Variants in PDE9A observed in about 807,000 individuals in gnomAD.
The protein encoded by PDE9A is high affinity cGMP-specific 3',5'-cyclic phosphodiesterase 9A.
PDE9A carries 60 observed loss-of-function variants against 87.4 expected under a neutral mutation model. That is an observed-to-expected ratio of 0.69 (90% CI 0.56 to 0.85). The LOEUF (loss-of-function observed/expected upper bound fraction) is 0.85, where lower values mean the gene tolerates loss of function less well. Among genes scored for constraint, PDE9A ranks in the 40% least tolerant of loss-of-function variants. The probability of loss-of-function intolerance (pLI) is 0.00; values close to 1 mark genes in which losing one functional copy is unlikely to be tolerated. For missense variants in PDE9A, 665 were observed against 779.0 expected, an observed-to-expected ratio of 0.85 and a Z score of 1.74; for synonymous variants, 272 against 279.4, an observed-to-expected ratio of 0.97 and a Z score of 0.27.
At chr21:42,713,003 CTAGGAAAT>C (rs1482638236) in intron 4 of PDE9A, among the ~76,000 whole-genome samples, 1 of 152,130 alleles carries the variant, frequency 6.6e-6, no homozygotes, top group African/African-American at 2.4e-5. Flanking sequence ...GGAAATGTTC[CTAGGAAAT>C]TTCCTGGGGT....
At chr21:42,666,600 T>C (rs188649622) in intron 1 of PDE9A, among the ~76,000 whole-genome samples, 3 of 152,224 alleles carry the variant, frequency 2.0e-5, no homozygotes, top group Admixed American at 2.0e-4. Flanking sequence ...CAGGTCAGGC[T>C]GCAGCAGGGC....
rs752160706 is a variant in PDE9A, at chr21:42,762,147, C to A, written c.1150C>A (p.His384Asn). Residue 384 changes from histidine to asparagine, a missense_variant, in exon 14 of 20, where the codon CAC becomes AAC. By Grantham distance (68) the His-to-Asn change is moderately conservative (BLOSUM62 1). Transcript: ENST00000291539. ...RYNDISPLEN[H>N]HCAVAFQILA... The stretch of plus-strand genomic sequence containing the variant: ...CAATGACATCTCACCGCTGGAGAAC[C>A]ACCACTGCGCCGTGGCCTTCCAGAT... 1 of 1,614,136 alleles carries A rather than the reference C, an allele frequency of 6.2e-7. No homozygotes were observed. Among genetic ancestry groups the A allele is most frequent in the Non-Finnish European group, 8.5e-7 (1 of 1,179,978 alleles).
At chr21:42,751,036 G>A in intron 8 of PDE9A, 80 bp from the exon 9 acceptor site, 1 of 935,296 alleles carries the variant, frequency 1.1e-6, no homozygotes, top group Non-Finnish European at 1.8e-6. Flanking sequence ...GGTTGGGTTT[G>A]TCGCTTGCTT....
At chr21:42,743,696 G>A (rs1386955315) in intron 7 of PDE9A, 80 bp from the exon 8 acceptor site, 1 of 856,388 alleles carries the variant, frequency 1.2e-6, no homozygotes, top group African/African-American at 1.7e-5. Context: ...GAGCCACAGG[G>A]AGCCCTTAGT....
chr21:42,686,277 CG>C lies in PDE9A; in HGVS notation c.140+18del, dbSNP rs1490182364. 4 of 1,608,082 alleles carry C rather than the reference CG, an allele frequency of 2.5e-6. No homozygotes were observed. The highest frequency in any genetic ancestry group is 1.7e-4 in the Middle Eastern group (1 of 6,046). ...GGCCTGCCTCGGTGAGTGCGCGCTG[CG>C]GGCTCTGCCCGGTGACGCCACGCGG... On this transcript the variant is annotated intron_variant, in intron 2 of 19. Transcript: ENST00000291539.
chr21:42,711,121 C>T (rs1001388344), intron 4 of PDE9A, among the ~76,000 whole-genome samples: 1 of 152,132 alleles, frequency 6.6e-6, no homozygotes, highest in Non-Finnish European at 1.5e-5. Flanking sequence ...ACATTTTTCC[C>T]AATTTGTGAT....
chr21:42,767,118 G>A (rs1457266571), intron 15 of PDE9A, among the ~76,000 whole-genome samples: 3 of 152,066 alleles, frequency 2.0e-5, no homozygotes, highest in Non-Finnish European at 2.9e-5. Flanking sequence ...AGCCCCAGAC[G>A]GGGCTTTATG....
chr21:42,771,670 C>T (rs1273866722), intron 18 of PDE9A, among the ~76,000 whole-genome samples: 2 of 152,238 alleles, frequency 1.3e-5, no homozygotes, highest in Non-Finnish European at 2.9e-5. Context: ...CCCACAATGC[C>T]CTTTTGAGCA....
rs751586484 is a variant in PDE9A at position 42,769,159 on chromosome 21, A to C, written c.1590+4A>C. On this transcript the variant is annotated splice_donor_region_variant and intron_variant, in intron 17 of 19. Transcript: ENST00000291539. ...AATGTTTGAAACAGTGACCAAGGTG[A>C]GTAACTGTCACCACATGTCACACTT... is the stretch of plus-strand genomic sequence containing the variant. The C allele has an allele frequency of 3.7e-6, 6 of 1,612,104 alleles. No homozygotes were observed. The South Asian group carries it at 5.5e-5, about 15-fold the overall frequency.
intron 6 of PDE9A, among the ~76,000 whole-genome samples, chr21:42,732,800 G>C (rs1054467564): frequency 1.3e-5 from 2 of 152,196 alleles, no homozygotes; most frequent in African/African-American, 4.8e-5. Context: ...TGTAATCCCA[G>C]CTACCCGGGA....
intron 14 of PDE9A, among the ~76,000 whole-genome samples, chr21:42,763,457 T>G (rs35167576): frequency 6.6e-6 from 1 of 152,128 alleles, no homozygotes; most frequent in African/African-American, 2.4e-5. Context: ...ATTTGAGTGA[T>G]GCAGCCCCAA....
At chr21:42,700,880 TAGG>T (rs2048332812) in intron 4 of PDE9A, 1 of 152,180 alleles carries the variant, frequency 6.6e-6, no homozygotes, top group Non-Finnish European at 1.5e-5. Flanking sequence ...AGATAAATAG[TAGG>T]TCTTGAAATC....
chr21:42,685,222 GAGCCGAGACTCAT>G (rs2146155577), intron 1 of PDE9A, among the ~76,000 whole-genome samples: 1 of 152,360 alleles, frequency 6.6e-6, no homozygotes, highest in East Asian at 1.9e-4. Context: ...CCCTCCCTGA[GAGCCGAGACTCAT>G]GGCCGGGACC....
intron 8 of PDE9A, among the ~76,000 whole-genome samples, chr21:42,747,777 G>T (rs1027744113): frequency 6.6e-6 from 1 of 152,370 alleles, no homozygotes; most frequent in Non-Finnish European, 1.5e-5. Flanking sequence ...GAGCTGGGGA[G>T]TCTGCAGGAG....
intron 1 of PDE9A, among the ~76,000 whole-genome samples, chr21:42,670,282 CACAT>C (rs1459353745): frequency 2.7e-5 from 4 of 150,316 alleles, no homozygotes; most frequent in African/African-American, 5.0e-5. Context: ...CACACATTCA[CACAT>C]ACACATTCAC....
In PDE9A at chr21:42,723,431, A is replaced by C. The variant is rs2050729334; in HGVS notation, c.263-8339A>C. Among the ~76,000 whole-genome samples the C allele has an allele frequency of 6.6e-6, 1 of 152,252 alleles. No homozygotes were observed. The highest frequency in any genetic ancestry group is 2.1e-4 in the South Asian group (1 of 4,836). On this transcript the variant is annotated intron_variant, in intron 4 of 19. Coordinates refer to ENST00000291539, the MANE Select transcript of PDE9A (RefSeq NM_002606.3). This position sits in a 1 kb window ranked among gnomAD's most constrained non-coding sequence, Gnocchi z 4.3. ...CACTTCATTGAGTCCAGGTGTGTGC[A>C]GATGAGAAGCAGCCAGGAGTTGAGG...
chr21:42,736,739 C>T (rs150322563), intron 7 of PDE9A, among the ~76,000 whole-genome samples: 408 of 152,306 alleles, frequency 2.7e-3, no homozygotes, highest in African/African-American at 9.6e-3. Flanking sequence ...CCTCAGTCCT[C>T]CTGGCTGCCC....
At chr21:42,691,091 C>T (rs929720090) in intron 3 of PDE9A, among the ~76,000 whole-genome samples, 4 of 150,812 alleles carry the variant, frequency 2.7e-5, no homozygotes, top group South Asian at 2.1e-4. Context: ...TCACCCACCC[C>T]GATACCATCA....
rs1472026249 is a variant in PDE9A, at chr21:42,660,796, T to C, written c.69+6913T>C. ...AGCCACCCAGGGGTGGCTCCCAACA[T>C]TTTCAAGCTCAAAAAGAAATATTTT... On this transcript the variant is annotated intron_variant, in intron 1 of 19. Transcript: ENST00000291539. This position sits in a 1 kb window ranked among gnomAD's most constrained non-coding sequence, Gnocchi z 4.7. Among the ~76,000 whole-genome samples, 1 of 151,964 alleles carries C rather than the reference T, an allele frequency of 6.6e-6. No homozygotes were observed. The highest frequency in any genetic ancestry group is 1.5e-5 in the Non-Finnish European group (1 of 67,982).
Sources: allele counts gnomAD v4.1 joint callset (sites outside exome capture counted in the v4.1 genomes callset), GRCh38; gene constraint gnomAD v4.1.1; non-coding constraint Gnocchi (gnomAD v3.1); transcripts MANE v1.5; gene names NCBI Gene and HGNC (gene_info 2026-07-23, HGNC 2026-07-21).